Variants in TAFA1 observed in about 807,000 individuals in gnomAD.
The protein encoded by TAFA1 is chemokine-like protein TAFA-1.
In TAFA1, 4 loss-of-function variants were observed where a neutral mutation model predicts 18.5. That is an observed-to-expected ratio of 0.22 (90% confidence interval 0.11 to 0.49). TAFA1 has a LOEUF of 0.49. Among genes scored for constraint, TAFA1 ranks in the 20% least tolerant of loss-of-function variants. TAFA1 has a pLI of 0.98. For missense variants in TAFA1, 147 were observed against 169.0 expected, an observed-to-expected ratio of 0.87 and a Z score of 0.72; for synonymous variants, 56 against 55.2, an observed-to-expected ratio of 1.01 and a Z score of -0.06.
chr3:68,102,047 A>G (rs2065153624), intron 2 of TAFA1, among the ~76,000 whole-genome samples: 1 of 152,044 alleles, frequency 6.6e-6, no homozygotes, highest in Non-Finnish European at 1.5e-5. Context: ...TGCATTACAG[A>G]TTTTGTTTCA....
intron 2 of TAFA1, among the ~76,000 whole-genome samples, chr3:68,009,663 T>C (rs17140939): frequency 0.05 from 7,661 of 152,316 alleles, 353 homozygotes; most frequent in East Asian, 0.13. Flanking sequence ...TTCAACTTTC[T>C]TTGGTTTTTG....
chr3:68,334,110 T>C lies in TAFA1; in HGVS notation c.119-83170T>C, dbSNP rs550046232. 9.2e-4 allele frequency among the ~76,000 whole-genome samples: 140 copies of C among 152,322 alleles called. 1 individual carries two copies. The highest frequency in any genetic ancestry group is 3.2e-3 in the African/African-American group (135 of 41,578). On this transcript the variant is annotated intron_variant, in intron 2 of 4. Coordinates refer to ENST00000478136, the MANE Select transcript of TAFA1 (RefSeq NM_213609.4). Reference sequence around the variant, plus strand: ...TGGAAACTATAGTTAATATACTGTATATTTGAAATTTGCCAAGAGAGTAAA... The same window carrying C: ...TGGAAACTATAGTTAATATACTGTACATTTGAAATTTGCCAAGAGAGTAAA...
intron 2 of TAFA1, among the ~76,000 whole-genome samples, chr3:68,050,784 A>G (rs960248279): frequency 6.6e-6 from 1 of 152,146 alleles, no homozygotes; most frequent in African/African-American, 2.4e-5. Context: ...CAGCCCTGCT[A>G]TCGTGACTGC....
At chr3:68,398,998 G>T (rs1022785931) in intron 2 of TAFA1, among the ~76,000 whole-genome samples, 7 of 151,980 alleles carry the variant, frequency 4.6e-5, no homozygotes, top group Non-Finnish European at 7.4e-5. Context: ...TCCACACATT[G>T]CTTCTACATT....
intron 3 of TAFA1, among the ~76,000 whole-genome samples, chr3:68,521,114 G>A (rs2073015000): frequency 2.6e-5 from 4 of 152,190 alleles, no homozygotes; most frequent in Admixed American, 1.3e-4. Context: ...CTTTTATGAT[G>A]GCTATAGTAG....
At chr3:68,326,144 C>T (rs1180959231) in intron 2 of TAFA1, among the ~76,000 whole-genome samples, 1 of 152,144 alleles carries the variant, frequency 6.6e-6, no homozygotes, top group African/African-American at 2.4e-5. Flanking sequence ...TGTTGTTTCC[C>T]TAAAGCTACG....
chr3:68,448,062 G>A (rs764015369), intron 3 of TAFA1, among the ~76,000 whole-genome samples: 3 of 152,160 alleles, frequency 2.0e-5, no homozygotes, highest in Non-Finnish European at 4.4e-5. Flanking sequence ...GCAGTTGGTG[G>A]AGGGTGTGAG....
chr3:68,317,640 C>G (rs2068625015), intron 2 of TAFA1, among the ~76,000 whole-genome samples: 1 of 152,124 alleles, frequency 6.6e-6, no homozygotes, highest in African/African-American at 2.4e-5. Context: ...CTGGAATATG[C>G]CAGATGCTTA....
intron 3 of TAFA1, among the ~76,000 whole-genome samples, chr3:68,528,699 G>T (rs2137180): frequency 0.82 from 124,625 of 152,140 alleles, 51,214 homozygotes; most frequent in East Asian, 0.89. Context: ...TCTTGATTGA[G>T]GTACTTATAA....
At chr3:68,145,638 T>A in intron 2 of TAFA1, 1 of 1,195,120 alleles carries the variant, frequency 8.4e-7, no homozygotes, top group Non-Finnish European at 1.2e-6. Context: ...GACTGACTTA[T>A]CACTCTGAGT....
chr3:68,503,807 A>G (rs2072702060), intron 3 of TAFA1, among the ~76,000 whole-genome samples: 1 of 152,154 alleles, frequency 6.6e-6, no homozygotes, highest in African/African-American at 2.4e-5. Flanking sequence ...TTTTGGAAAG[A>G]GAGTTAATGG....
At chr3:68,367,136 C>T (rs1214707462) in intron 2 of TAFA1, among the ~76,000 whole-genome samples, 1 of 152,194 alleles carries the variant, frequency 6.6e-6, no homozygotes, top group African/African-American at 2.4e-5. Flanking sequence ...CAATTTAGAT[C>T]GTGCTAGCAC....
At chr3:68,439,412 C>CATACATATACATATATAT (rs1264523262) in intron 3 of TAFA1, among the ~76,000 whole-genome samples, 3 of 73,460 alleles carry the variant, frequency 4.1e-5, no homozygotes, top group African/African-American at 2.1e-4. Flanking sequence ...TATATACATA[C>CATACATATACATATATAT]ATATATATAT....
At chr3:68,235,333 A>G (rs1366078103) in intron 2 of TAFA1, among the ~76,000 whole-genome samples, 1 of 152,164 alleles carries the variant, frequency 6.6e-6, no homozygotes, top group Non-Finnish European at 1.5e-5. Flanking sequence ...GCTCTTCAGG[A>G]GGAATAATTT....
At chr3:68,139,412 T>C (rs1411500776) in intron 2 of TAFA1, among the ~76,000 whole-genome samples, 1 of 152,158 alleles carries the variant, frequency 6.6e-6, no homozygotes, top group Non-Finnish European at 1.5e-5. Context: ...TTTCTCTGTA[T>C]AATTTCCCAA....
intron 2 of TAFA1, among the ~76,000 whole-genome samples, chr3:68,059,986 C>T (rs1356423471): frequency 4.0e-5 from 6 of 151,808 alleles, no homozygotes; most frequent in Admixed American, 2.0e-4. Flanking sequence ...CAGCTAAGCA[C>T]ACGGCATTCT....
chr3:68,008,283 C>T (rs1376691078), intron 2 of TAFA1, among the ~76,000 whole-genome samples: 1 of 152,220 alleles, frequency 6.6e-6, no homozygotes, highest in Non-Finnish European at 1.5e-5. Flanking sequence ...TTTGAGATTC[C>T]CACTTTACCT....
chr3:68,514,276 A>G (rs550945930), intron 3 of TAFA1, among the ~76,000 whole-genome samples: 1 of 152,336 alleles, frequency 6.6e-6, no homozygotes, highest in South Asian at 2.1e-4. Flanking sequence ...GAGCCCTTCT[A>G]TATAGATATG....
In TAFA1 at chr3:68,111,679, T is replaced by C. The variant is rs530084697; in HGVS notation, c.118+104935T>C. Among the ~76,000 whole-genome samples the C allele has an allele frequency of 5.9e-5, 9 of 152,172 alleles. No individual in the cohort carries two copies. The East Asian group carries it at 1.7e-3, about 29-fold the overall frequency. The stretch of plus-strand genomic sequence containing the variant: ...TAGATTATGCTAAGCTAAGAAAATA[T>C]GTTTTAATCTTTAGGATAACAAATA... On this transcript the variant is annotated intron_variant, in intron 2 of 4. Coordinates refer to ENST00000478136, the MANE Select transcript of TAFA1 (RefSeq NM_213609.4).
Sources: gnomAD v4.1 joint callset for allele counts (sites outside exome capture counted in the v4.1 genomes callset) on GRCh38, gnomAD v4.1.1 for gene constraint, MANE v1.5 for transcripts, NCBI Gene and HGNC (gene_info 2026-07-23, HGNC 2026-07-21) for gene names.